PDE1A: variants seen among roughly 807,000 people sequenced by gnomAD.
PDE1A encodes the protein dual specificity calcium/calmodulin-dependent 3',5'-cyclic nucleotide phosphodiesterase 1A.
PDE1A carries 35 observed loss-of-function variants against 61.7 expected under a neutral mutation model. That is an observed-to-expected ratio of 0.57 (90% CI 0.43 to 0.75). The LOEUF (loss-of-function observed/expected upper bound fraction) is 0.75, where lower values mean the gene tolerates loss of function less well. Ranked by LOEUF, PDE1A falls within the 30% of genes least tolerant of loss-of-function variation. The pLI is 0.00. For missense variants in PDE1A, 597 were observed against 630.6 expected, an observed-to-expected ratio of 0.95 and a Z score of 0.57; for synonymous variants, 232 against 213.2, an observed-to-expected ratio of 1.09 and a Z score of -0.77.
the PDE1A span, among the ~76,000 whole-genome samples, chr2:182,713,136 T>C: frequency 6.6e-6 from 1 of 152,218 alleles, no homozygotes; most frequent in Non-Finnish European, 1.5e-5. Flanking sequence ...TTTGCCCATA[T>C]ATGTTAAATT....
Position 182,380,391 on chromosome 2 carries a change from C to T in PDE1A, c.53+46187G>A, listed in dbSNP as rs185670592. ...CCTCCCAAAGTGCTGGGATTACAGGCGTGAGCCACCGCACCCAGCCCCAGC... is the reference window on the plus strand; with the variant it reads ...CCTCCCAAAGTGCTGGGATTACAGGTGTGAGCCACCGCACCCAGCCCCAGC... On this transcript the variant is annotated intron_variant, in intron 1 of 13. Transcript: ENST00000351439. 3.9e-5 allele frequency among the ~76,000 whole-genome samples: 6 copies of T among 152,188 alleles called. No individual in the cohort carries two copies. In the East Asian group the frequency reaches 9.7e-4, roughly 25 times the overall value.
At chr2:182,597,398 A>G in the PDE1A span, among the ~76,000 whole-genome samples, 1 of 152,152 alleles carries the variant, frequency 6.6e-6, no homozygotes, top group African/African-American at 2.4e-5. Flanking sequence ...GTGCATGTGA[A>G]GGAGCCATCA....
chr2:182,248,620 G>A (rs779277367), intron 2 of PDE1A, among the ~76,000 whole-genome samples: 1 of 152,060 alleles, frequency 6.6e-6, no homozygotes, highest in African/African-American at 2.4e-5. Flanking sequence ...AGAAGGAGGC[G>A]GCCACGGAAG....
chr2:182,168,652 C>T (rs1157825284), intron 13 of PDE1A, among the ~76,000 whole-genome samples: 2 of 151,970 alleles, frequency 1.3e-5, no homozygotes, highest in African/African-American at 2.4e-5. Flanking sequence ...TATCTTGAAA[C>T]CTATTAATAT....
At chr2:182,168,186 T>C in exon 14 of PDE1A, 6 of 1,548,818 alleles carry the variant, frequency 3.9e-6, no homozygotes, top group Non-Finnish European at 5.2e-6. Context: ...ATAATCAAAA[T>C]CTCCAAGTCT....
chr2:182,149,370 T>C (rs1260365024), intron 13 of PDE1A, among the ~76,000 whole-genome samples: 2 of 152,088 alleles, frequency 1.3e-5, no homozygotes, highest in African/African-American at 4.8e-5. Context: ...TTATAAAAAA[T>C]AACAAATCCC....
chr2:182,156,301 C>A (rs570433662), intron 13 of PDE1A, among the ~76,000 whole-genome samples: 1 of 151,712 alleles, frequency 6.6e-6, no homozygotes, highest in Non-Finnish European at 1.5e-5. Context: ...TACTGTGTAC[C>A]AAGCACTGTG....
chr2:182,658,301 T>C, the PDE1A span, among the ~76,000 whole-genome samples: 106,754 of 152,082 alleles, frequency 0.7, 37,636 homozygotes, highest in Middle Eastern at 0.76. Context: ...CAGTCCCTGA[T>C]GTTCCTTGCC....
At chr2:182,382,252 A>G (rs1484673164) in intron 1 of PDE1A, among the ~76,000 whole-genome samples, 11 of 152,222 alleles carry the variant, frequency 7.2e-5, no homozygotes, top group Admixed American at 7.2e-4. Context: ...TTCCTTGAAC[A>G]GTGATATAAG....
chr2:182,669,607 A>T, the PDE1A span, among the ~76,000 whole-genome samples: 1 of 152,150 alleles, frequency 6.6e-6, no homozygotes, highest in Non-Finnish European at 1.5e-5. Flanking sequence ...CTGATTAAAG[A>T]TTTTTAATGA....
At chr2:182,190,909 T>G (rs552092244) in intron 10 of PDE1A, among the ~76,000 whole-genome samples, 4 of 151,894 alleles carry the variant, frequency 2.6e-5, no homozygotes, top group Non-Finnish European at 5.9e-5. Context: ...TGAGCCGAGA[T>G]TGCACCACTG....
At chr2:182,711,060 A>C in the PDE1A span, among the ~76,000 whole-genome samples, 1 of 152,222 alleles carries the variant, frequency 6.6e-6, no homozygotes, top group Non-Finnish European at 1.5e-5. Context: ...GAGGCTGAGC[A>C]GTGTCAGAAC....
the PDE1A span, among the ~76,000 whole-genome samples, chr2:182,635,709 T>C: frequency 7.4e-6 from 1 of 134,242 alleles, no homozygotes; most frequent in Non-Finnish European, 1.6e-5. Flanking sequence ...TCCACATATG[T>C]GGAACTTCTT....
chr2:182,462,400 C>T (rs1559485714), intron 2 of PDE1A, among the ~76,000 whole-genome samples: 3 of 151,254 alleles, frequency 2.0e-5, no homozygotes, highest in African/African-American at 7.3e-5. Flanking sequence ...ATCTTAAAAG[C>T]AGGACTGAGT....
intron 2 of PDE1A, among the ~76,000 whole-genome samples, chr2:182,258,885 ATC>A (rs1283979284): frequency 6.6e-6 from 1 of 151,774 alleles, no homozygotes; most frequent in African/African-American, 2.4e-5. Context: ...CTCTCTCTAA[ATC>A]TCTCTGTTTC....
the PDE1A span, among the ~76,000 whole-genome samples, chr2:182,613,300 G>A: frequency 2.0e-5 from 3 of 152,078 alleles, no homozygotes; most frequent in Non-Finnish European, 4.4e-5. Context: ...GGTGGCTCAC[G>A]CCTGTAATCC....
intron 1 of PDE1A, among the ~76,000 whole-genome samples, chr2:182,351,082 C>T (rs535812589): frequency 6.6e-5 from 10 of 152,304 alleles, no homozygotes; most frequent in African/African-American, 1.4e-4. Context: ...AGCAACAGAA[C>T]GTGTTCTTGG....
the PDE1A span, among the ~76,000 whole-genome samples, chr2:182,528,991 T>G: frequency 6.6e-6 from 1 of 152,232 alleles, no homozygotes; most frequent in African/African-American, 2.4e-5. Context: ...GAACCTCTGC[T>G]TGGGCAGTAT....
At chr2:182,153,723 A>G (rs1690916271) in intron 13 of PDE1A, among the ~76,000 whole-genome samples, 1 of 152,172 alleles carries the variant, frequency 6.6e-6, no homozygotes, top group Non-Finnish European at 1.5e-5. Flanking sequence ...AGTAGCAGGA[A>G]TCAGCCATGG....
Sources: gnomAD v4.1 joint callset for allele counts (sites outside exome capture counted in the v4.1 genomes callset) on GRCh38, gnomAD v4.1.1 for gene constraint, MANE v1.5 for transcripts, NCBI Gene and HGNC (gene_info 2026-07-23, HGNC 2026-07-21) for gene names.